Variants in EFCAB5 observed in about 807,000 individuals in gnomAD.
EFCAB5 encodes EF-hand calcium binding domain 5, also known as EF-hand calcium-binding domain-containing protein 5.
A neutral mutation model predicts 167.9 loss-of-function variants in EFCAB5; 131 were observed. That is an observed-to-expected ratio of 0.78 (90% CI 0.68 to 0.90). EFCAB5 has a LOEUF of 0.90. Among genes scored for constraint, EFCAB5 ranks in the 40% least tolerant of loss-of-function variants. The pLI is 0.00. For synonymous variants in EFCAB5, 574 were observed against 602.8 expected (o/e 0.95, Z 0.70); for missense variants, 1,663 against 1,745.2 (o/e 0.95, Z 0.84).
At chr17:30,096,675 A>T (rs568699393) in intron 22 of EFCAB5, among the ~76,000 whole-genome samples, 3,260 of 71,572 alleles carry the variant, frequency 0.046, 159 homozygotes, top group African/African-American at 0.15. Flanking sequence ...ATATATATAT[A>T]TATTTTTTTT....
rs2070675424 is a variant in EFCAB5, at chr17:30,069,586, C to A, written c.2738-8629C>A. 2.5e-6 allele frequency: 4 copies of A among 1,613,146 alleles called. No homozygotes were observed. The South Asian group carries it at 4.4e-5, about 18-fold the overall frequency. On this transcript the variant is annotated intron_variant, in intron 14 of 22. Coordinates refer to ENST00000394835, the MANE Select transcript of EFCAB5 (RefSeq NM_198529.4). The stretch of plus-strand genomic sequence containing the variant: ...TCCGCGTATGGATCCTCTTCTTCCT[C>A]GTGATGTGCTCCTTCTCCTTGCTCT...
In EFCAB5 at chr17:30,092,884, AACT is replaced by A; in HGVS notation, c.4270_4272del (p.Thr1424del). 1.2e-6 allele frequency: 2 copies of A among 1,612,356 alleles called. No homozygotes were observed. The highest frequency in any genetic ancestry group is 1.7e-6 in the Non-Finnish European group (2 of 1,179,302). On this transcript the variant is annotated inframe_deletion, in exon 22 of 23. Transcript: ENST00000394835. ...TCAACAATATTTGTGCCTTTGATCC[AACT>A]GCCAAGCATGTGGAAGTTAATGTAC...
intron 6 of EFCAB5, among the ~76,000 whole-genome samples, chr17:29,997,790 A>C (rs1000806819): frequency 1.2e-4 from 19 of 152,126 alleles, no homozygotes; most frequent in African/African-American, 4.1e-4. Context: ...CTCTGCTCCT[A>C]TTCCTCATCA....
At chr17:29,969,399 T>G (rs1472943609) in intron 4 of EFCAB5, 32 bp downstream of exon 4, 1 of 1,501,196 alleles carries the variant, frequency 6.7e-7, no homozygotes, top group Non-Finnish European at 8.9e-7. Context: ...GTTCATGATC[T>G]GTCTCCTTAC....
intron 22 of EFCAB5, among the ~76,000 whole-genome samples, chr17:30,106,536 A>T (rs2071451419): frequency 6.6e-6 from 1 of 152,092 alleles, no homozygotes; most frequent in South Asian, 2.1e-4. Flanking sequence ...AGTTCACTGC[A>T]ACCTCCACCT....
chr17:30,025,243 G>T (rs2069285409), intron 7 of EFCAB5, among the ~76,000 whole-genome samples: 1 of 150,394 alleles, frequency 6.6e-6, no homozygotes, highest in South Asian at 2.1e-4. Context: ...CCTACAAAAT[G>T]GGAGAAAATT....
chr17:29,944,889 T>C (rs1458957890), intron 3 of EFCAB5, among the ~76,000 whole-genome samples: 2 of 152,096 alleles, frequency 1.3e-5, no homozygotes, highest in East Asian at 1.9e-4. Context: ...TACCAAAGTG[T>C]TGGGATTACA....
At chr17:29,961,802 C>T (rs938311079) in intron 3 of EFCAB5, among the ~76,000 whole-genome samples, 1 of 152,064 alleles carries the variant, frequency 6.6e-6, no homozygotes, top group Non-Finnish European at 1.5e-5. Flanking sequence ...CTATGTTGCC[C>T]AAGCTGGGAA....
At chr17:30,003,706 A>G (rs1485883442) in intron 7 of EFCAB5, among the ~76,000 whole-genome samples, 1 of 152,036 alleles carries the variant, frequency 6.6e-6, no homozygotes, top group African/African-American at 2.4e-5. Context: ...TATTTTAAGC[A>G]TGTTCATAAT....
chr17:29,942,263 G>A lies in EFCAB5; in HGVS notation c.66G>A (p.Glu22=). 4 of 1,590,760 alleles carry A rather than the reference G, an allele frequency of 2.5e-6. No homozygotes were observed. Among genetic ancestry groups the A allele is most frequent in the Non-Finnish European group, 3.4e-6 (4 of 1,168,242 alleles). The change falls in exon 2 of 23, where the codon GAG becomes GAA. Residue 22 remains glutamate, a synonymous_variant. Transcript: ENST00000394835. ...PAQENRKEDK[E]RKWNLTEVKE... ...AGGAAAACAGAAAAGAAGACAAAGAGAGGAAATGGAACTTAACTGAAGTGA... is the reference window on the plus strand; with the variant it reads ...AGGAAAACAGAAAAGAAGACAAAGAAAGGAAATGGAACTTAACTGAAGTGA...
chr17:30,011,796 G>C (rs1452362708), intron 7 of EFCAB5, among the ~76,000 whole-genome samples: 2 of 151,860 alleles, frequency 1.3e-5, no homozygotes, highest in Admixed American at 1.3e-4. Context: ...AATACTGTGG[G>C]TGGCAAGCCA....
intron 7 of EFCAB5, among the ~76,000 whole-genome samples, chr17:30,029,000 A>AACCGAGG (rs1208621929): frequency 1.1e-4 from 17 of 152,322 alleles, no homozygotes; most frequent in African/African-American, 4.1e-4. Flanking sequence ...CTGTCAACAT[A>AACCGAGG]TTAATTTTAG....
At chr17:30,100,127 T>C (rs1469494150) in intron 22 of EFCAB5, among the ~76,000 whole-genome samples, 2 of 152,162 alleles carry the variant, frequency 1.3e-5, no homozygotes, top group Non-Finnish European at 2.9e-5. Context: ...ATTCCACTTT[T>C]CTCCTGTCTG....
Position 30,053,303 on chromosome 17 carries a change from A to G in EFCAB5, c.1349A>G (p.Asp450Gly), listed in dbSNP as rs746736025. ...ATAAACTTGACTGAGTTGTGGGGAG[A>G]CATGGATAATCAGAAACACATTTAT... ...EEINLTELWGDMDNQKHIYEG... is the reference protein window; with the variant it reads ...EEINLTELWGGMDNQKHIYEG... The change falls in exon 10 of 23, where the codon GAC (aspartate) becomes GGC (glycine). Residue 450 changes from aspartate (D) to glycine (G), a missense_variant. Transcript: ENST00000394835. 1.1e-5 allele frequency: 17 copies of G among 1,613,058 alleles called. No homozygotes were observed. The Admixed American group carries it at 2.0e-4, about 19-fold the overall frequency.
At chr17:29,988,677 G>A (rs1476724019) in intron 4 of EFCAB5, among the ~76,000 whole-genome samples, 5 of 152,118 alleles carry the variant, frequency 3.3e-5, no homozygotes. Context: ...ATTTATAAAA[G>A]CTTGCTGTAT....
At chr17:30,015,759 CTTTTTTT>C (rs71138866) in intron 7 of EFCAB5, among the ~76,000 whole-genome samples, 9 of 130,554 alleles carry the variant, frequency 6.9e-5, no homozygotes, top group East Asian at 2.1e-4. Context: ...TTGGTTATTT[CTTTTTTT>C]TTTTTTTTTT....
intron 14 of EFCAB5, among the ~76,000 whole-genome samples, chr17:30,071,875 A>G (rs1020486184): frequency 2.0e-5 from 3 of 152,224 alleles, no homozygotes; most frequent in African/African-American, 7.2e-5. Flanking sequence ...GCATTGTGTT[A>G]AATGAAATAA....
chr17:30,004,414 T>A lies in EFCAB5; in HGVS notation c.1044+4438T>A, dbSNP rs555768452. ...TGGAGGCAGGGGCAAGGTGCCTTGTTATTGCTCAGTGGAGGCGAAATTTTC... is the reference window on the plus strand; with the variant it reads ...TGGAGGCAGGGGCAAGGTGCCTTGTAATTGCTCAGTGGAGGCGAAATTTTC... On this transcript the variant is annotated intron_variant, in intron 7 of 22. Coordinates refer to ENST00000394835, the MANE Select transcript of EFCAB5 (RefSeq NM_198529.4). 3.3e-5 allele frequency among the ~76,000 whole-genome samples: 5 copies of A among 152,318 alleles called. No individual in the cohort carries two copies. In the South Asian group the frequency reaches 1.0e-3, roughly 32 times the overall value.
At chr17:30,032,727 T>A (rs1453201264) in intron 7 of EFCAB5, among the ~76,000 whole-genome samples, 2 of 152,214 alleles carry the variant, frequency 1.3e-5, no homozygotes, top group East Asian at 3.8e-4. Context: ...TTTCTTTGGA[T>A]CTTCATTTCT....
Sources: gnomAD v4.1 joint callset for allele counts (sites outside exome capture counted in the v4.1 genomes callset) on GRCh38, gnomAD v4.1.1 for gene constraint, MANE v1.5 for transcripts, NCBI Gene and HGNC (gene_info 2026-07-23, HGNC 2026-07-21) for gene names.